Variants in SLC25A53 observed in about 807,000 individuals in gnomAD.
SLC25A53 encodes mitochondrial carrier triple repeat protein 6.
In SLC25A53, 5 loss-of-function variants were observed where a neutral mutation model predicts 15.0. The ratio of observed to expected loss-of-function variants is 0.33; its 90% CI spans 0.17 to 0.70. The LOEUF (loss-of-function observed/expected upper bound fraction) is 0.70. Ranked by LOEUF, SLC25A53 falls within the 30% of genes least tolerant of loss-of-function variation. SLC25A53 has a pLI of 0.67. For missense variants in SLC25A53, 216 were observed against 241.6 expected, an observed-to-expected ratio of 0.89 and a Z score of 0.70; for synonymous variants, 95 against 100.0, an observed-to-expected ratio of 0.95 and a Z score of 0.30.
Position 104,104,396 on chromosome X carries a change from T to C in SLC25A53, c.862A>G (p.Thr288Ala). 8.3e-7 allele frequency: 1 copy of C among 1,211,674 alleles called. No homozygotes were observed. Among genetic ancestry groups the C allele is most frequent in the Non-Finnish European group, 1.1e-6 (1 of 895,396 alleles). ...CTCTGCAGGAAGTCATGGATTGCCG[T>C]AGTGAGGCCCCATGTCACACTGGAC... Reference protein sequence around the residue: ...LRSSVTWGLTTAIHDFLQRKS... With the variant: ...LRSSVTWGLTAAIHDFLQRKS... Residue 288 changes from threonine (T) to alanine (A), a missense_variant, in exon 2 of 2, where the codon ACG becomes GCG. By Grantham distance (58) the Thr-to-Ala change is moderately conservative (BLOSUM62 0). Coordinates refer to ENST00000594199, the MANE Select transcript of SLC25A53 (RefSeq NM_001012755.5).
At chrX:104,146,821 G>C (rs2075468828) in intron 1 of SLC25A53, among the ~76,000 whole-genome samples, 1 of 110,521 alleles carries the variant, frequency 9.0e-6, no homozygotes, top group South Asian at 3.8e-4. Context: ...ACAAATGGAA[G>C]AACATTCCAT....
At chrX:104,141,450 T>C in intron 1 of SLC25A53, among the ~76,000 whole-genome samples, 1 of 112,144 alleles carries the variant, frequency 8.9e-6, no homozygotes, top group Non-Finnish European at 1.9e-5. Flanking sequence ...ACCTTAGACA[T>C]TCACATGAAT....
At chrX:104,117,030 C>T (rs1388035048) in intron 1 of SLC25A53, among the ~76,000 whole-genome samples, 3 of 98,778 alleles carry the variant, frequency 3.0e-5, no homozygotes, top group Non-Finnish European at 4.1e-5. Context: ...CCATTCAGTT[C>T]CCCCCTGCTC....
intron 1 of SLC25A53, among the ~76,000 whole-genome samples, chrX:104,144,769 T>C (rs1459564031): frequency 9.0e-6 from 1 of 111,420 alleles, no homozygotes; most frequent in African/African-American, 3.3e-5. Context: ...GAGCTAACTA[T>C]CCTAAATATA....
chrX:104,125,827 C>T (rs1387639900), intron 1 of SLC25A53, among the ~76,000 whole-genome samples: 3 of 111,753 alleles, frequency 2.7e-5, no homozygotes, highest in Admixed American at 9.5e-5. Flanking sequence ...ACTGAGAGTT[C>T]GTAAGTACAT....
Position 104,104,846 on chromosome X carries a change from C to T in SLC25A53, c.412G>A (p.Val138Met), listed in dbSNP as rs782642166. 8.3e-7 allele frequency: 1 copy of T among 1,211,785 alleles called. No individual in the cohort carries two copies. The highest frequency in any genetic ancestry group is 1.8e-5 in the South Asian group (1 of 56,996). Reference sequence around the variant, plus strand: ...CGACCATCCTGGAGCACATTTTGCACCCTTTCAAAGGGGCTGAGTGCCACG... The same window carrying T: ...CGACCATCCTGGAGCACATTTTGCATCCTTTCAAAGGGGCTGAGTGCCACG... ...EAVALSPFER[V>M]QNVLQDGRKQ... is the part of the protein sequence containing the mutation. Residue 138 changes from valine (V) to methionine (M), a missense_variant, in exon 2 of 2, where the codon GTG becomes ATG. Transcript: ENST00000594199.
chrX:104,110,647 A>G (rs1556358013), intron 1 of SLC25A53, among the ~76,000 whole-genome samples: 1 of 112,229 alleles, frequency 8.9e-6, no homozygotes, highest in African/African-American at 3.2e-5. Flanking sequence ...TCTCTAAGTC[A>G]GGGAAAAATG....
chrX:104,141,051 T>C (rs2075449555), intron 1 of SLC25A53, among the ~76,000 whole-genome samples: 1 of 112,367 alleles, frequency 8.9e-6, no homozygotes, highest in East Asian at 2.8e-4. Flanking sequence ...CCAAAAAATC[T>C]GCTCCTCAAA....
rs2075296612 is a variant in SLC25A53, at chrX:104,104,487, A to T, written c.771T>A (p.Asp257Glu). The T allele has an allele frequency of 1.7e-6, 2 of 1,211,953 alleles. No homozygotes were observed. Among genetic ancestry groups the T allele is most frequent in the South Asian group, 3.5e-5 (2 of 57,006 alleles). ...GCTTTCGGCCCCGAGTGTTCCATAC[A>T]TCCTGGGCAGAGGCCCACAGGCTTG... Reference protein sequence around the residue: ...NMPSLWASAQDVWNTRGRKLL... With the variant: ...NMPSLWASAQEVWNTRGRKLL... Residue 257 changes from aspartate to glutamate, a missense_variant, in exon 2 of 2, where the codon GAT becomes GAA. Transcript: ENST00000594199.
intron 1 of SLC25A53, among the ~76,000 whole-genome samples, chrX:104,151,519 C>A (rs1002860593): frequency 9.0e-6 from 1 of 111,612 alleles, no homozygotes; most frequent in African/African-American, 3.3e-5. Context: ...AAGAAAAAAC[C>A]GACCTCCATA....
chrX:104,114,150 G>A (rs1569461117), intron 1 of SLC25A53: 1 of 1,211,204 alleles, frequency 8.3e-7, no homozygotes, highest in Non-Finnish European at 1.1e-6. Context: ...ACAGCAGGCA[G>A]CAGAATGCAC....
In SLC25A53 at chrX:104,138,796, G is replaced by A. The variant is rs1328089707; in HGVS notation, c.-32+18082C>T. ...TTTCTGACTGCCCTAGCCAAACTCC[G>A]TGTCGTTCTGCCGCTCAATGGCCTG... On this transcript the variant is annotated intron_variant, in intron 1 of 1. Transcript: ENST00000594199. Among the ~76,000 whole-genome samples, 3 of 111,992 alleles carry A rather than the reference G, an allele frequency of 2.7e-5. 1 individual carries two copies. Among genetic ancestry groups the A allele is most frequent in the African/African-American group, 6.5e-5 (2 of 30,799 alleles).
In SLC25A53 at chrX:104,105,156, C is replaced by T. The variant is rs1556355448; in HGVS notation, c.102G>A (p.Gly34=). 1 of 1,210,723 alleles carries T rather than the reference C, an allele frequency of 8.3e-7. No individual in the cohort carries two copies. Among genetic ancestry groups the T allele is most frequent in the African/African-American group, 1.7e-5 (1 of 57,340 alleles). The part of the protein sequence containing the change: ...KSWHSQAYAL[G]AVSNFMSTFL... ...AAGTAGACATAAAGTTGGAAACGGC[C>T]CCAAGGGCATAGGCCTGGGAATGCC... Residue 34 remains glycine, a synonymous_variant, in exon 2 of 2, where the codon GGG becomes GGA. Coordinates refer to ENST00000594199, the MANE Select transcript of SLC25A53 (RefSeq NM_001012755.5).
chrX:104,115,692 C>A, intron 1 of SLC25A53: 1 of 176,735 alleles, frequency 5.7e-6, no homozygotes, highest in Non-Finnish European at 1.1e-5. Flanking sequence ...TGGTGAATGT[C>A]CTTCCAGATA....
In SLC25A53 at chrX:104,102,667, C is replaced by A. The variant is rs1440436671; in HGVS notation, c.*1667G>T. ...CTTGATAATCAACTCAGTAATTTGA[C>A]CAACGTTATTGAGCACCTAGGCACA... On this transcript the variant is annotated 3_prime_UTR_variant, in exon 2 of 2. Coordinates refer to ENST00000594199, the MANE Select transcript of SLC25A53 (RefSeq NM_001012755.5). 8.9e-6 allele frequency: 1 copy of A among 111,916 alleles called. No homozygotes were observed. Among genetic ancestry groups the A allele is most frequent in the Non-Finnish European group, 1.9e-5 (1 of 53,261 alleles). The allele number at this position is 111,916 out of a possible 1,213,427, so 9.2% of individuals were successfully genotyped here. A position where few individuals can be genotyped will look rare whatever the true frequency, so the allele number is the denominator to read the frequency against.
intron 1 of SLC25A53, among the ~76,000 whole-genome samples, chrX:104,146,221 T>A (rs1237201215): frequency 8.9e-6 from 1 of 111,970 alleles, no homozygotes; most frequent in Admixed American, 9.5e-5. Context: ...ATTATCTCAA[T>A]AGATGCAGAA....
intron 1 of SLC25A53, among the ~76,000 whole-genome samples, chrX:104,132,529 C>T (rs2147875473): frequency 8.9e-6 from 1 of 112,607 alleles, no homozygotes; most frequent in South Asian, 3.6e-4. Flanking sequence ...CCACAGGTTA[C>T]ATCACAGTGA....
intron 1 of SLC25A53, among the ~76,000 whole-genome samples, chrX:104,138,390 T>C (rs1312523231): frequency 5.3e-5 from 6 of 112,165 alleles, no homozygotes; most frequent in Non-Finnish European, 9.4e-5. Context: ...GGGTGTGCAA[T>C]GGGGGGTGTA....
At chrX:104,123,534 C>T (rs2075401052) in intron 1 of SLC25A53, among the ~76,000 whole-genome samples, 1 of 104,675 alleles carries the variant, frequency 9.6e-6, no homozygotes, top group South Asian at 4.6e-4. Flanking sequence ...GTGTAGTTTG[C>T]TGATTTGTTT....
Sources: allele counts gnomAD v4.1 joint callset (sites outside exome capture counted in the v4.1 genomes callset), GRCh38; gene constraint gnomAD v4.1.1; transcripts MANE v1.5; gene names NCBI Gene and HGNC (gene_info 2026-07-23, HGNC 2026-07-21).